TIAM1: variants seen among roughly 807,000 people sequenced by gnomAD.
TIAM1 encodes the protein TIAM Rac1 associated GEF 1.
TIAM1 carries 65 observed loss-of-function variants against 163.5 expected under a neutral mutation model. The observed-to-expected ratio is 0.40, with a 90% confidence interval of 0.33 to 0.49. The LOEUF (loss-of-function observed/expected upper bound fraction) is 0.49. TIAM1 is among the 20% of genes least tolerant of loss of function. The pLI is 0.77. For missense variants in TIAM1, 1,789 were observed against 2,044.7 expected (o/e 0.87, Z 2.41); for synonymous variants, 833 against 810.1 (o/e 1.03, Z -0.48).
rs1437586591 is a variant in TIAM1, at chr21:31,119,010, A to G, written c.*1358T>C. 6.5e-6 allele frequency: 1 copy of G among 154,438 alleles called. No homozygotes were observed. The highest frequency in any genetic ancestry group is 2.4e-5 in the African/African-American group (1 of 41,400). 9.6% of individuals were successfully genotyped at this position (154,438 alleles called of 1,614,324 possible). A position where few individuals can be genotyped will look rare whatever the true frequency, so the allele number is the denominator to read the frequency against. ...TACTGATGTGTCAAACACCAAATAG[A>G]TATTTTCCCCAAAAAGAAAGTTTTC... On this transcript the variant is annotated 3_prime_UTR_variant, in exon 28 of 28. Transcript: ENST00000541036.
chr21:31,125,211 T>G (rs566580610), intron 26 of TIAM1, among the ~76,000 whole-genome samples: 141 of 149,036 alleles, frequency 9.5e-4, no homozygotes, highest in African/African-American at 3.3e-3. Flanking sequence ...CAAGTCCTAA[T>G]TCTCATGGTT....
chr21:31,204,794 C>G (rs889966700), intron 11 of TIAM1, among the ~76,000 whole-genome samples: 1 of 152,170 alleles, frequency 6.6e-6, no homozygotes, highest in South Asian at 2.1e-4. Context: ...AAGCACATTT[C>G]CAGAAAGTGG....
chr21:31,501,948 A>G (rs933540438), intron 1 of TIAM1, among the ~76,000 whole-genome samples: 1 of 152,170 alleles, frequency 6.6e-6, no homozygotes, highest in African/African-American at 2.4e-5. Context: ...TTGCTTGGAA[A>G]TGTGGGACCA....
At chr21:31,269,972 A>G (rs551674040) in intron 3 of TIAM1, among the ~76,000 whole-genome samples, 1 of 152,296 alleles carries the variant, frequency 6.6e-6, no homozygotes, top group African/African-American at 2.4e-5. Flanking sequence ...CGCCCGGCCG[A>G]TGAATTTTAA....
chr21:31,305,818 T>C (rs1235888142), intron 2 of TIAM1, among the ~76,000 whole-genome samples: 1 of 152,158 alleles, frequency 6.6e-6, no homozygotes, highest in Non-Finnish European at 1.5e-5. Flanking sequence ...AAAAAAAATG[T>C]CTATGGCTTA....
At chr21:31,389,097 C>T (rs1683898966) in intron 2 of TIAM1, among the ~76,000 whole-genome samples, 1 of 152,254 alleles carries the variant, frequency 6.6e-6, no homozygotes, top group Non-Finnish European at 1.5e-5. Context: ...GGTGTGGCTA[C>T]ATTCCAATAA....
At chr21:31,457,276 C>T (rs921659299) in intron 2 of TIAM1, among the ~76,000 whole-genome samples, 2 of 152,192 alleles carry the variant, frequency 1.3e-5, no homozygotes, top group Admixed American at 6.5e-5. Flanking sequence ...AACACCCAGA[C>T]GGTCATTGCT....
At chr21:31,386,320 G>A (rs1248227411) in intron 2 of TIAM1, among the ~76,000 whole-genome samples, 1 of 152,090 alleles carries the variant, frequency 6.6e-6, no homozygotes, top group Non-Finnish European at 1.5e-5. Context: ...TCAGGGAATG[G>A]AGACCCACTC....
intron 1 of TIAM1, among the ~76,000 whole-genome samples, chr21:31,475,097 G>T: frequency 6.6e-6 from 1 of 150,390 alleles, no homozygotes. Flanking sequence ...TGTCTCCCAG[G>T]CTGGAGTGCA....
At chr21:31,123,512 C>G (rs2082075510) in intron 27 of TIAM1, among the ~76,000 whole-genome samples, 1 of 151,570 alleles carries the variant, frequency 6.6e-6, no homozygotes, top group South Asian at 2.1e-4. Flanking sequence ...AAGAGGTTTA[C>G]AGTAACTAGT....
chr21:31,366,751 G>A (rs1281518291), intron 2 of TIAM1, among the ~76,000 whole-genome samples: 1 of 152,116 alleles, frequency 6.6e-6, no homozygotes, highest in Non-Finnish European at 1.5e-5. Flanking sequence ...CGAGTAGCTG[G>A]GAATTACAGG....
intron 1 of TIAM1, among the ~76,000 whole-genome samples, chr21:31,486,277 C>T (rs901939166): frequency 8.5e-5 from 13 of 152,196 alleles, no homozygotes; most frequent in African/African-American, 2.4e-4. Context: ...TGAAAACGCT[C>T]GCCCTCTGAC....
chr21:31,126,608 T>C, intron 26 of TIAM1, among the ~76,000 whole-genome samples: 1 of 151,806 alleles, frequency 6.6e-6, no homozygotes, highest in East Asian at 1.9e-4. Flanking sequence ...AAAAGCATGA[T>C]TCAATACGGG....
intron 1 of TIAM1, among the ~76,000 whole-genome samples, chr21:31,464,571 G>A (rs777290894): frequency 1.3e-5 from 2 of 151,996 alleles, no homozygotes; most frequent in East Asian, 1.9e-4. Context: ...GGCCGGGTGC[G>A]GTGGCTCACG....
At chr21:31,168,523 C>T (rs1275567305) in intron 15 of TIAM1, among the ~76,000 whole-genome samples, 1 of 152,214 alleles carries the variant, frequency 6.6e-6, no homozygotes, top group East Asian at 1.9e-4. Flanking sequence ...GCCTCAGTCT[C>T]CTGAGTAGCT....
chr21:31,512,119 T>C (rs896466951), intron 1 of TIAM1, among the ~76,000 whole-genome samples: 2 of 152,160 alleles, frequency 1.3e-5, no homozygotes, highest in Admixed American at 6.5e-5. Flanking sequence ...TTTTTTGAGA[T>C]AGGGTCTCAC....
chr21:31,467,889 C>G (rs1215395707), intron 1 of TIAM1, among the ~76,000 whole-genome samples: 1 of 151,170 alleles, frequency 6.6e-6, no homozygotes, highest in East Asian at 2.0e-4. Context: ...AGTTTGAGAC[C>G]AGCCTGGCCA....
chr21:31,546,719 C>T (rs566111437), intron 1 of TIAM1, among the ~76,000 whole-genome samples: 1 of 152,310 alleles, frequency 6.6e-6, no homozygotes, highest in Non-Finnish European at 1.5e-5. Flanking sequence ...ATGCATGTCA[C>T]AGCATCTACA....
chr21:31,489,658 C>T (rs1339032364), intron 1 of TIAM1, among the ~76,000 whole-genome samples: 1 of 145,130 alleles, frequency 6.9e-6, no homozygotes, highest in Non-Finnish European at 1.5e-5. Context: ...GGAAGCCATC[C>T]TCAGGAAGCC....
Sources: gnomAD v4.1 joint callset for allele counts (sites outside exome capture counted in the v4.1 genomes callset) on GRCh38, gnomAD v4.1.1 for gene constraint, MANE v1.5 for transcripts, NCBI Gene and HGNC (gene_info 2026-07-23, HGNC 2026-07-21) for gene names.